FREM1: variants seen among roughly 807,000 people sequenced by gnomAD.
The protein encoded by FREM1 is FRAS1-related extracellular matrix protein 1.
Under a neutral mutation model 210.1 loss-of-function variants are expected in FREM1, and 220 were observed. The ratio of observed to expected loss-of-function variants is 1.05; its 90% CI spans 0.94 to 1.17. FREM1 has a LOEUF of 1.17. Among genes scored for constraint, FREM1 ranks in the 50% most tolerant of loss-of-function variants. The pLI, the probability that FREM1 is intolerant of heterozygous loss-of-function variation, is 0.00. For missense variants in FREM1, 3,454 were observed against 2,675.5 expected, an observed-to-expected ratio of 1.29 and a Z score of -6.42; for synonymous variants, 1,189 against 980.2, an observed-to-expected ratio of 1.21 and a Z score of -3.98.
chr9:14,857,532 A>G (rs1262201256), intron 5 of FREM1, 21 bp downstream of exon 5: 2 of 1,600,158 alleles, frequency 1.2e-6, no homozygotes, highest in Non-Finnish European at 8.6e-7. Context: ...GGGGGCACCC[A>G]CACATAACCC....
At chr9:14,813,997 T>C (rs946999915) in intron 15 of FREM1, among the ~76,000 whole-genome samples, 2 of 152,168 alleles carry the variant, frequency 1.3e-5, no homozygotes, top group Non-Finnish European at 1.5e-5. Context: ...TGGGGTGCCT[T>C]TGCCACTCCA....
chr9:14,873,126 T>G (rs1242053438), intron 1 of FREM1, among the ~76,000 whole-genome samples: 1 of 152,178 alleles, frequency 6.6e-6, no homozygotes, highest in Non-Finnish European at 1.5e-5. Flanking sequence ...TGGTCTAAAA[T>G]TCTCTTTTTT....
intron 19 of FREM1, among the ~76,000 whole-genome samples, chr9:14,803,970 G>A (rs1255145575): frequency 2.0e-5 from 3 of 152,082 alleles, no homozygotes; most frequent in South Asian, 4.1e-4. Flanking sequence ...TGACTAAAAC[G>A]TGTGGTTGTT....
At chr9:14,813,178 T>G in intron 15 of FREM1, 114 bp from the exon 16 acceptor site, 2 of 1,143,174 alleles carry the variant, frequency 1.7e-6, no homozygotes, top group East Asian at 2.4e-5. Context: ...TACAGACACA[T>G]GAAACAACAG....
At chr9:14,835,170 C>T (rs943945044) in intron 10 of FREM1, among the ~76,000 whole-genome samples, 5 of 152,158 alleles carry the variant, frequency 3.3e-5, no homozygotes, top group Admixed American at 1.3e-4. Context: ...TTTTAACTTT[C>T]GCTTGGAATA....
chr9:14,824,686 C>T, intron 11 of FREM1, 110 bp downstream of exon 11: 1 of 721,162 alleles, frequency 1.4e-6, no homozygotes, highest in Non-Finnish European at 2.3e-6. Flanking sequence ...TCATGCCTGA[C>T]CAATGGAGCA....
intron 3 of FREM1, among the ~76,000 whole-genome samples, chr9:14,861,122 TATATACAC>T (rs1431512339): frequency 8.7e-5 from 9 of 103,164 alleles, no homozygotes; most frequent in Non-Finnish European, 1.4e-4. Context: ...TATATATACA[TATATACAC>T]ATATATACAT....
intron 25 of FREM1, among the ~76,000 whole-genome samples, chr9:14,773,786 T>C (rs1010774404): frequency 3.3e-5 from 5 of 152,142 alleles, no homozygotes; most frequent in African/African-American, 1.2e-4. Flanking sequence ...CAAGTTCTGG[T>C]ACTTTCCCCA....
At chr9:14,747,136 G>A (rs145607985) in intron 33 of FREM1, 85 bp from the exon 34 acceptor site, 19 of 1,591,468 alleles carry the variant, frequency 1.2e-5, no homozygotes, top group Non-Finnish European at 1.6e-5. Flanking sequence ...GTCTTCATTT[G>A]TTGGGAAGCA....
intron 19 of FREM1, among the ~76,000 whole-genome samples, chr9:14,803,043 T>C (rs543492665): frequency 7.1e-6 from 1 of 140,704 alleles, no homozygotes; most frequent in Non-Finnish European, 1.5e-5. Flanking sequence ...TTTCTTTTCT[T>C]CTTTCTCTTT....
At chr9:14,804,747 T>G (rs1239897236) in intron 19 of FREM1, among the ~76,000 whole-genome samples, 1 of 152,072 alleles carries the variant, frequency 6.6e-6, no homozygotes, top group East Asian at 1.9e-4. Flanking sequence ...TCATAATTAC[T>G]GAAGGGCTCT....
chr9:14,744,707 C>T (rs7033951), intron 35 of FREM1, among the ~76,000 whole-genome samples: 73,691 of 151,974 alleles, frequency 0.48, 18,117 homozygotes, highest in African/African-American at 0.55. Flanking sequence ...TATTATACAA[C>T]ATTTTTATGA....
At chr9:14,815,719 C>T (rs1306566641) in intron 15 of FREM1, among the ~76,000 whole-genome samples, 1 of 152,120 alleles carries the variant, frequency 6.6e-6, no homozygotes, top group Non-Finnish European at 1.5e-5. Flanking sequence ...ATGATCTCGG[C>T]TCACTGCAAC....
intron 14 of FREM1, among the ~76,000 whole-genome samples, chr9:14,817,222 GCA>G (rs1175482537): frequency 6.6e-6 from 1 of 152,198 alleles, no homozygotes; most frequent in East Asian, 1.9e-4. Context: ...CTCAGACTGA[GCA>G]GTAGATGAGG....
intron 24 of FREM1, chr9:14,779,394 T>C (rs1849275545): frequency 3.5e-6 from 2 of 568,750 alleles, no homozygotes; most frequent in African/African-American, 4.1e-5. Context: ...ATGTCAAATA[T>C]CAGCAGAGAA....
In FREM1 at chr9:14,758,597, G is replaced by A. The variant is rs534948075; in HGVS notation, c.5334+1175C>T. 2.1e-5 allele frequency among the ~76,000 whole-genome samples: 3 copies of A among 144,586 alleles called. No homozygotes were observed. In the South Asian group the frequency reaches 6.7e-4, roughly 32 times the overall value. 94.9% of individuals were successfully genotyped at this position (144,586 alleles called of 152,430 possible). A position where few individuals can be genotyped will look rare whatever the true frequency, so the allele number is the denominator to read the frequency against. On this transcript the variant is annotated intron_variant, in intron 28 of 36. Transcript: ENST00000380880. Reference sequence around the variant, plus strand: ...TCCCAGGCTTCTGAGAGTGATTTGAGTTCATTATTAAATTGAGACTTAATA... The same window carrying A: ...TCCCAGGCTTCTGAGAGTGATTTGAATTCATTATTAAATTGAGACTTAATA...
At chr9:14,738,810 G>A (rs923393388) in intron 36 of FREM1, among the ~76,000 whole-genome samples, 5 of 151,908 alleles carry the variant, frequency 3.3e-5, no homozygotes, top group African/African-American at 9.7e-5. Context: ...AGGAGTTCGA[G>A]ACCAGCCTGG....
At chr9:14,744,038 T>G (rs1842007620) in intron 35 of FREM1, among the ~76,000 whole-genome samples, 1 of 152,116 alleles carries the variant, frequency 6.6e-6, no homozygotes, top group Admixed American at 6.6e-5. Context: ...GAAATATATG[T>G]ATTTAAAGCA....
chr9:14,843,136 G>A (rs1015647676), intron 8 of FREM1, among the ~76,000 whole-genome samples: 1 of 152,200 alleles, frequency 6.6e-6, no homozygotes, highest in African/African-American at 2.4e-5. Flanking sequence ...GAGGAAAGGG[G>A]AATGCTCTGT....
Sources: allele counts gnomAD v4.1 joint callset (sites outside exome capture counted in the v4.1 genomes callset), GRCh38; gene constraint gnomAD v4.1.1; transcripts MANE v1.5; gene names NCBI Gene and HGNC (gene_info 2026-07-23, HGNC 2026-07-21).